SLC25A21: variants seen among roughly 807,000 people sequenced by gnomAD.
SLC25A21 encodes the protein mitochondrial 2-oxodicarboxylate carrier.
A neutral mutation model predicts 43.8 loss-of-function variants in SLC25A21; 47 were observed. The ratio of observed to expected loss-of-function variants is 1.07; its 90% CI spans 0.85 to 1.37. The LOEUF is 1.37. Ranked by LOEUF, SLC25A21 falls within the 40% of genes most tolerant of loss-of-function variation. SLC25A21 has a pLI of 0.00. For synonymous variants in SLC25A21, 131 were observed against 121.3 expected, an observed-to-expected ratio of 1.08 and a Z score of -0.52; for missense variants, 352 against 350.2, an observed-to-expected ratio of 1.00 and a Z score of -0.04.
intron 2 of SLC25A21, among the ~76,000 whole-genome samples, chr14:36,825,594 C>G (rs1888801406): frequency 6.6e-6 from 1 of 152,144 alleles, no homozygotes; most frequent in Admixed American, 6.5e-5. Context: ...ACAAGACAGT[C>G]CAAGTCATTT....
At chr14:36,699,821 C>T (rs1040150706) in intron 7 of SLC25A21, among the ~76,000 whole-genome samples, 10 of 152,128 alleles carry the variant, frequency 6.6e-5, no homozygotes, top group African/African-American at 2.2e-4. Context: ...AGTATTTGGG[C>T]GGGAGTGCCC....
intron 6 of SLC25A21, among the ~76,000 whole-genome samples, chr14:36,715,096 C>A (rs1340428349): frequency 6.6e-6 from 1 of 152,162 alleles, no homozygotes; most frequent in African/African-American, 2.4e-5. Context: ...TCTTATTGTA[C>A]ATAGGTAATA....
At chr14:37,007,711 T>C (rs996613579) in intron 1 of SLC25A21, among the ~76,000 whole-genome samples, 17 of 152,080 alleles carry the variant, frequency 1.1e-4, no homozygotes, top group African/African-American at 4.1e-4. Flanking sequence ...TTCATCGATC[T>C]TGATATTATT....
intron 3 of SLC25A21, among the ~76,000 whole-genome samples, chr14:36,767,088 A>G (rs766301921): frequency 2.0e-5 from 3 of 152,204 alleles, no homozygotes; most frequent in African/African-American, 4.8e-5. Context: ...TTTTTGTCTT[A>G]CTACAAGCTT....
intron 3 of SLC25A21, among the ~76,000 whole-genome samples, chr14:36,811,505 G>C (rs866766736): frequency 6.6e-6 from 1 of 152,022 alleles, no homozygotes; most frequent in Non-Finnish European, 1.5e-5. Flanking sequence ...AAAATAACTA[G>C]CCAGGTGTGG....
intron 1 of SLC25A21, among the ~76,000 whole-genome samples, chr14:37,133,484 T>G (rs556830239): frequency 1.5e-4 from 23 of 152,054 alleles, no homozygotes; most frequent in African/African-American, 5.5e-4. Context: ...CTGCCCTAAC[T>G]TAAGTTTTCA....
chr14:37,080,331 G>A (rs1046086821), intron 1 of SLC25A21, among the ~76,000 whole-genome samples: 3 of 152,180 alleles, frequency 2.0e-5, no homozygotes, highest in African/African-American at 7.2e-5. Flanking sequence ...GGTGCCTCAT[G>A]CCAGTAATCC....
At chr14:37,017,018 C>T (rs1960872180) in intron 1 of SLC25A21, among the ~76,000 whole-genome samples, 1 of 152,044 alleles carries the variant, frequency 6.6e-6, no homozygotes, top group African/African-American at 2.4e-5. Flanking sequence ...CTAAAACTTT[C>T]TCTGTATCAT....
intron 1 of SLC25A21, among the ~76,000 whole-genome samples, chr14:37,008,409 G>A (rs1691762872): frequency 6.6e-6 from 1 of 152,170 alleles, no homozygotes; most frequent in Non-Finnish European, 1.5e-5. Context: ...ACATGGCTCT[G>A]TCCCTACAGA....
rs75418287 is a variant in SLC25A21, at chr14:37,023,436, G to T, written c.71-148432C>A. 9.0e-3 allele frequency among the ~76,000 whole-genome samples: 1,361 copies of T among 151,966 alleles called. 19 individuals are homozygous for T. The highest frequency in any genetic ancestry group is 0.031 in the African/African-American group (1,303 of 41,464). ...CAAGAGGAACTTAAAAAAAAAATCAGTGTTTGAAAGATCCAATTTCCTTGT... is the reference window on the plus strand; with the variant it reads ...CAAGAGGAACTTAAAAAAAAAATCATTGTTTGAAAGATCCAATTTCCTTGT... On this transcript the variant is annotated intron_variant, in intron 1 of 9. Coordinates refer to ENST00000331299, the MANE Select transcript of SLC25A21 (RefSeq NM_030631.4).
intron 1 of SLC25A21, among the ~76,000 whole-genome samples, chr14:37,069,039 T>A (rs889022585): frequency 5.3e-5 from 8 of 152,082 alleles, no homozygotes; most frequent in African/African-American, 1.9e-4. Context: ...TAGCCGGGCA[T>A]GGTGGCAGGA....
chr14:36,939,853 C>A (rs1295758111), intron 1 of SLC25A21, among the ~76,000 whole-genome samples: 1 of 152,084 alleles, frequency 6.6e-6, no homozygotes, highest in Non-Finnish European at 1.5e-5. Context: ...AAAACATGCA[C>A]AATTTTAGTC....
chr14:36,936,433 C>T (rs7159402), intron 1 of SLC25A21, among the ~76,000 whole-genome samples: 81,224 of 152,008 alleles, frequency 0.53, 23,112 homozygotes, highest in Non-Finnish European at 0.62. Flanking sequence ...TAGATAAGCT[C>T]CTGAAATGAT....
At chr14:36,774,763 G>C (rs1354126600) in intron 3 of SLC25A21, among the ~76,000 whole-genome samples, 1 of 152,070 alleles carries the variant, frequency 6.6e-6, no homozygotes, top group African/African-American at 2.4e-5. Context: ...ACAAGGTCTT[G>C]CTATGTTGCT....
rs562265857 is a variant in SLC25A21, at chr14:37,088,036, T to A, written c.70+84245A>T. Among the ~76,000 whole-genome samples, 41 of 152,340 alleles carry A rather than the reference T, an allele frequency of 2.7e-4. 1 individual carries two copies. Among genetic ancestry groups the A allele is most frequent in the African/African-American group, 8.9e-4 (37 of 41,578 alleles). On this transcript the variant is annotated intron_variant, in intron 1 of 9. Transcript: ENST00000331299. ...TTCAAAGGAGAAAATGAAATACAAC[T>A]TGTAACTTGAAATGTGTCACTATAG...
chr14:36,779,640 A>G (rs907378117), intron 3 of SLC25A21, among the ~76,000 whole-genome samples: 2 of 136,954 alleles, frequency 1.5e-5, no homozygotes, highest in Non-Finnish European at 3.1e-5. Flanking sequence ...ATATATATAT[A>G]TATGTATACA....
At chr14:37,019,049 A>G (rs1356548105) in intron 1 of SLC25A21, among the ~76,000 whole-genome samples, 1 of 151,756 alleles carries the variant, frequency 6.6e-6, no homozygotes, top group African/African-American at 2.4e-5. Context: ...TGCCCCTCCA[A>G]TCTATTCTCC....
chr14:37,046,312 T>C (rs894372054), intron 1 of SLC25A21, among the ~76,000 whole-genome samples: 1 of 152,066 alleles, frequency 6.6e-6, no homozygotes, highest in Non-Finnish European at 1.5e-5. Flanking sequence ...CTAATCAGAT[T>C]AAGTAGGTCT....
intron 2 of SLC25A21, among the ~76,000 whole-genome samples, chr14:36,815,723 T>C (rs1336524555): frequency 6.6e-6 from 1 of 152,188 alleles, no homozygotes; most frequent in Non-Finnish European, 1.5e-5. Flanking sequence ...AGTTTGTTTC[T>C]AAAGAGGTTT....
Sources: gnomAD v4.1 joint callset for allele counts (sites outside exome capture counted in the v4.1 genomes callset) on GRCh38, gnomAD v4.1.1 for gene constraint, MANE v1.5 for transcripts, NCBI Gene and HGNC (gene_info 2026-07-23, HGNC 2026-07-21) for gene names.